PIGN: variants seen among roughly 807,000 people sequenced by gnomAD.
PIGN encodes the protein phosphatidylinositol glycan anchor biosynthesis class N.
Under a neutral mutation model 125.4 loss-of-function variants are expected in PIGN, and 117 were observed. The ratio of observed to expected loss-of-function variants is 0.93; its 90% CI spans 0.80 to 1.09. PIGN has a LOEUF of 1.09. PIGN is among the 50% of genes least tolerant of loss of function. The pLI, the probability that PIGN is intolerant of heterozygous loss-of-function variation, is 0.00. For missense variants in PIGN, 1,075 were observed against 1,094.9 expected (o/e 0.98, Z 0.26); for synonymous variants, 392 against 377.8 (o/e 1.04, Z -0.44).
Position 62,183,404 on chromosome 18 carries a change from C to T in PIGN, c.-236+3440G>A, listed in dbSNP as rs200605873. Reference sequence around the variant, plus strand: ...CTCCCCTTTACTTTGTAACATCTCACATCACTGGCCCCTTCTTTTATTCAA... The same window carrying T: ...CTCCCCTTTACTTTGTAACATCTCATATCACTGGCCCCTTCTTTTATTCAA... On this transcript the variant is annotated intron_variant, in intron 1 of 30. Transcript: ENST00000640252. 1.1e-4 allele frequency among the ~76,000 whole-genome samples: 17 copies of T among 152,264 alleles called. No individual in the cohort carries two copies. The East Asian group carries it at 2.7e-3, about 24-fold the overall frequency.
At chr18:62,057,467 G>A (rs72946062) in intron 30 of PIGN, among the ~76,000 whole-genome samples, 6,212 of 152,072 alleles carry the variant, frequency 0.041, 169 homozygotes, top group Non-Finnish European at 0.064. Context: ...TCTAAGTCCA[G>A]CCACTTGTTG....
chr18:62,093,450 T>G (rs1242632919), intron 23 of PIGN, among the ~76,000 whole-genome samples: 1 of 152,016 alleles, frequency 6.6e-6, no homozygotes, highest in Non-Finnish European at 1.5e-5. Flanking sequence ...ACTTACTAAA[T>G]TAGGATCTGC....
chr18:62,094,098 G>C (rs72939770), intron 23 of PIGN, among the ~76,000 whole-genome samples: 1 of 151,698 alleles, frequency 6.6e-6, no homozygotes, highest in Non-Finnish European at 1.5e-5. Context: ...TAATTTGTTT[G>C]GGCATCTCCT....
At chr18:62,156,250 TAAATGCCATATATATC>T (rs2036728407) in intron 6 of PIGN, among the ~76,000 whole-genome samples, 1 of 152,230 alleles carries the variant, frequency 6.6e-6, no homozygotes, top group African/African-American at 2.4e-5. Flanking sequence ...AATTATATGT[TAAATGCCATATATATC>T]AAATGCCAGA....
downstream of PIGN, among the ~76,000 whole-genome samples, chr18:62,040,288 G>A (rs111489843): frequency 1.7e-4 from 16 of 94,334 alleles, no homozygotes; most frequent in African/African-American, 3.3e-4. Context: ...GTGCCGCACC[G>A]CATGTTTAGG....
At chr18:62,148,851 A>C (rs1599634996) in intron 7 of PIGN, among the ~76,000 whole-genome samples, 1 of 152,176 alleles carries the variant, frequency 6.6e-6, no homozygotes, top group Non-Finnish European at 1.5e-5. Context: ...GTGTTCTTCA[A>C]ATCATGTAAC....
At chr18:62,146,424 T>C (rs570818121) in intron 9 of PIGN, among the ~76,000 whole-genome samples, 19 of 152,282 alleles carry the variant, frequency 1.2e-4, no homozygotes, top group African/African-American at 4.3e-4. Flanking sequence ...CTGGAGAAGA[T>C]GGCAAGGTCT....
In PIGN at chr18:62,146,995, A is replaced by T. The variant is rs768752806; in HGVS notation, c.781T>A (p.Ser261Thr). ...CCCCAGTCTGTCATTCCATGGTCAG[A>T]GGTAAAGATAAATGTTGTTTTCCCA... ...NDGKTTFIFTSDHGMTDWGSH... is the reference protein window; with the variant it reads ...NDGKTTFIFTTDHGMTDWGSH... Residue 261 changes from serine (S) to threonine (T), a missense_variant, in exon 9 of 31, where the codon TCT (serine) becomes ACT (threonine). This residue lies in a region of PIGN where 915 missense variants were observed against 908.7 expected (regional missense o/e 1.01). Coordinates refer to ENST00000640252, the MANE Select transcript of PIGN (RefSeq NM_176787.5). 23 of 1,612,350 alleles carry T rather than the reference A, an allele frequency of 1.4e-5. 1 individual carries two copies. The South Asian group carries it at 2.4e-4, about 17-fold the overall frequency.
intron 30 of PIGN, among the ~76,000 whole-genome samples, chr18:62,050,981 A>C (rs373111991): frequency 5.9e-5 from 9 of 151,266 alleles, no homozygotes; most frequent in Middle Eastern, 3.4e-3. Flanking sequence ...GTCTTTGGTT[A>C]TGTTTATATG....
intron 14 of PIGN, chr18:62,137,833 G>GT (rs1332060055): frequency 6.2e-6 from 1 of 160,152 alleles, no homozygotes; most frequent in East Asian, 1.9e-4. Flanking sequence ...ATCTTCAAAT[G>GT]TAAGTTGAAC....
intron 30 of PIGN, among the ~76,000 whole-genome samples, chr18:62,051,448 G>GC (rs1457132562): frequency 3.3e-5 from 5 of 152,112 alleles, no homozygotes; most frequent in Non-Finnish European, 5.9e-5. Flanking sequence ...ATGTGTCGAG[G>GC]AATTTATCCA....
intron 14 of PIGN, among the ~76,000 whole-genome samples, chr18:62,127,488 C>G (rs1381588286): frequency 6.6e-6 from 1 of 152,028 alleles, no homozygotes; most frequent in Non-Finnish European, 1.5e-5. Flanking sequence ...ACCACTGCAG[C>G]CGAAGTATCT....
At chr18:62,057,783 T>C (rs2031835169) in intron 30 of PIGN, among the ~76,000 whole-genome samples, 1 of 152,246 alleles carries the variant, frequency 6.6e-6, no homozygotes, top group Non-Finnish European at 1.5e-5. Context: ...CCATTCTAGC[T>C]ACACTAACTG....
intron 30 of PIGN, chr18:62,070,099 A>T (rs2032756296): frequency 4.2e-6 from 1 of 240,720 alleles, no homozygotes; most frequent in Non-Finnish European, 7.9e-6. Context: ...CACTATGCTA[A>T]ATACTTAAAT....
chr18:62,034,256 A>T (rs557289357), intron 23 of PIGN, among the ~76,000 whole-genome samples: 1 of 152,330 alleles, frequency 6.6e-6, no homozygotes, highest in East Asian at 1.9e-4. Context: ...TCTGAATCTA[A>T]TAAGTGAGAC....
chr18:62,168,221 A>G (rs550339513), intron 1 of PIGN, among the ~76,000 whole-genome samples: 3 of 152,196 alleles, frequency 2.0e-5, no homozygotes, highest in Non-Finnish European at 2.9e-5. Flanking sequence ...CAATTTACCA[A>G]CTTTTCTTTC....
At position 62,090,476 on chromosome 18, in the gene PIGN, C is replaced by G. The variant is rs780154131; in HGVS notation, c.2283G>C (p.Lys761Asn). 17 of 1,584,200 alleles carry G rather than the reference C, an allele frequency of 1.1e-5. No homozygotes were observed. The highest frequency in any genetic ancestry group is 2.6e-6 in the Non-Finnish European group (3 of 1,157,420). The change falls in exon 24 of 31, where the codon AAG (lysine) becomes AAC (asparagine). Residue 761 changes from lysine to asparagine, a missense_variant and splice_region_variant. Around this residue, in one of 3 missense-constraint regions of PIGN, gnomAD observed 915 missense variants for 908.7 expected, o/e 1.01. Coordinates refer to ENST00000640252, the MANE Select transcript of PIGN (RefSeq NM_176787.5). Reference sequence around the variant, plus strand: ...AACAAAAATGACTTTGACCAGCTACCTTTTGTTTACAGCAAACACCAGATT... The same window carrying G: ...AACAAAAATGACTTTGACCAGCTACGTTTTGTTTACAGCAAACACCAGATT... ...LQQSGVCCKQ[K>N]LTSIQFSYNT... is the part of the protein sequence containing the mutation.
chr18:62,172,874 C>T (rs1438669822), intron 1 of PIGN, among the ~76,000 whole-genome samples: 2 of 152,170 alleles, frequency 1.3e-5, no homozygotes, highest in African/African-American at 2.4e-5. Context: ...GCCACTGTTA[C>T]TGTTTCCTTA....
chr18:62,031,761 G>C (rs531330756), intron 23 of PIGN, among the ~76,000 whole-genome samples: 1 of 152,258 alleles, frequency 6.6e-6, no homozygotes, highest in South Asian at 2.1e-4. Flanking sequence ...AAGGATTTGA[G>C]TGATATGTGT....
Sources: allele counts gnomAD v4.1 joint callset (sites outside exome capture counted in the v4.1 genomes callset), GRCh38; gene constraint gnomAD v4.1.1; regional missense constraint gnomAD v4.1.1; transcripts MANE v1.5; gene names NCBI Gene and HGNC (gene_info 2026-07-23, HGNC 2026-07-21).